Variants in MICU2 observed in about 807,000 individuals in gnomAD.
MICU2 encodes mitochondrial calcium uptake 2, also known as calcium uptake protein 2, mitochondrial.
In MICU2, 64 loss-of-function variants were observed where a neutral mutation model predicts 60.4. The observed-to-expected ratio is 1.06, with a 90% CI of 0.87 to 1.31. The LOEUF (loss-of-function observed/expected upper bound fraction) is 1.31, where lower values mean the gene tolerates loss of function less well. Among genes scored for constraint, MICU2 ranks in the 50% most tolerant of loss-of-function variants. The pLI is 0.00. For synonymous variants in MICU2, 201 were observed against 175.0 expected, an observed-to-expected ratio of 1.15 and a Z score of -1.17; for missense variants, 569 against 531.0, an observed-to-expected ratio of 1.07 and a Z score of -0.70.
chr13:21,602,352 C>T (rs1168450763), intron 1 of MICU2, among the ~76,000 whole-genome samples: 1 of 152,050 alleles, frequency 6.6e-6, no homozygotes, highest in African/African-American at 2.4e-5. Context: ...GAAACCCCGT[C>T]TCTACTAAAA....
chr13:21,588,550 T>C (rs1256928606), intron 1 of MICU2, among the ~76,000 whole-genome samples: 1 of 152,170 alleles, frequency 6.6e-6, no homozygotes. Flanking sequence ...GGGAGGAAAT[T>C]TAGCATTCCT....
At chr13:21,557,098 G>C (rs773040682) in intron 2 of MICU2, among the ~76,000 whole-genome samples, 5 of 152,180 alleles carry the variant, frequency 3.3e-5, no homozygotes, top group Non-Finnish European at 7.3e-5. Flanking sequence ...TGGGAATGAT[G>C]GGATAGTTGA....
At chr13:21,508,580 CTCTA>C (rs1886352002) in intron 8 of MICU2, among the ~76,000 whole-genome samples, 1 of 152,190 alleles carries the variant, frequency 6.6e-6, no homozygotes, top group African/African-American at 2.4e-5. Flanking sequence ...AACAAGCTAC[CTCTA>C]TCTTATGGTG....
chr13:21,538,674 T>C (rs1007591317), intron 4 of MICU2, among the ~76,000 whole-genome samples: 10 of 151,690 alleles, frequency 6.6e-5, no homozygotes, highest in African/African-American at 2.4e-4. Context: ...TTATAAGTAA[T>C]CTAGAGATGA....
intron 6 of MICU2, among the ~76,000 whole-genome samples, chr13:21,520,337 GAT>G (rs1453579748): frequency 1.3e-5 from 2 of 152,100 alleles, no homozygotes; most frequent in Admixed American, 6.5e-5. Context: ...ATATGCCAAG[GAT>G]ATATGTTACT....
chr13:21,543,909 C>T (rs1887344417), intron 2 of MICU2, among the ~76,000 whole-genome samples: 2 of 152,162 alleles, frequency 1.3e-5, no homozygotes, highest in Admixed American at 6.5e-5. Flanking sequence ...TACCACACTT[C>T]CAAATATACT....
intron 8 of MICU2, among the ~76,000 whole-genome samples, chr13:21,506,236 G>A (rs1272912428): frequency 6.6e-6 from 1 of 152,010 alleles, no homozygotes; most frequent in Admixed American, 6.6e-5. Flanking sequence ...GGCTGCTGTC[G>A]AAGTCCTGGA....
chr13:21,558,047 A>G (rs1167699558), intron 2 of MICU2, among the ~76,000 whole-genome samples: 1 of 152,200 alleles, frequency 6.6e-6, no homozygotes, highest in Non-Finnish European at 1.5e-5. Context: ...TTTTGTTATA[A>G]AAACTCACAT....
At chr13:21,514,742 G>A (rs942348053) in intron 6 of MICU2, among the ~76,000 whole-genome samples, 2 of 149,500 alleles carry the variant, frequency 1.3e-5, no homozygotes, top group African/African-American at 2.5e-5. Context: ...GGGTTTCACC[G>A]TGTTAGCCAG....
At chr13:21,539,230 A>T in intron 4 of MICU2, 72 bp downstream of exon 4, 5 of 1,321,818 alleles carry the variant, frequency 3.8e-6, no homozygotes, top group Non-Finnish European at 5.4e-6. Context: ...CAAATCTCAT[A>T]CCTTAATTCC....
chr13:21,505,048 C>A (rs1358196039), intron 8 of MICU2, among the ~76,000 whole-genome samples: 1 of 152,126 alleles, frequency 6.6e-6, no homozygotes, highest in Non-Finnish European at 1.5e-5. Flanking sequence ...GTATCAATAT[C>A]CTCCCCAATT....
At chr13:21,537,238 C>G (rs554797270) in intron 4 of MICU2, among the ~76,000 whole-genome samples, 2 of 152,150 alleles carry the variant, frequency 1.3e-5, no homozygotes, top group African/African-American at 4.8e-5. Context: ...CTCCCTAGGC[C>G]GTGACTTCCT....
chr13:21,568,019 T>C (rs1389179054), intron 1 of MICU2, among the ~76,000 whole-genome samples: 2 of 152,192 alleles, frequency 1.3e-5, no homozygotes, highest in African/African-American at 2.4e-5. Context: ...TGAAATCCAA[T>C]AGCAGGCTTT....
chr13:21,514,149 A>C (rs1413733415), intron 7 of MICU2, among the ~76,000 whole-genome samples: 42 of 152,180 alleles, frequency 2.8e-4, no homozygotes, highest in Non-Finnish European at 1.8e-4. Context: ...CCCACCACAC[A>C]CCTCTGCCAT....
chr13:21,494,448 T>C (rs529466132), intron 11 of MICU2, among the ~76,000 whole-genome samples: 12 of 152,280 alleles, frequency 7.9e-5, no homozygotes, highest in Admixed American at 4.6e-4. Flanking sequence ...ATATGTGACT[T>C]TGAGTGAATA....
chr13:21,517,792 C>T (rs1038347644), intron 6 of MICU2, among the ~76,000 whole-genome samples: 4 of 94,910 alleles, frequency 4.2e-5, no homozygotes, highest in Middle Eastern at 5.6e-3. Context: ...CACACACACA[C>T]ACACACACGC....
At chr13:21,524,841 C>T (rs1470180818) in intron 4 of MICU2, among the ~76,000 whole-genome samples, 1 of 152,202 alleles carries the variant, frequency 6.6e-6, no homozygotes, top group Non-Finnish European at 1.5e-5. Context: ...GTTGCCTATT[C>T]TATCTAGGTA....
At chr13:21,585,122 G>A (rs1195484702) in intron 1 of MICU2, among the ~76,000 whole-genome samples, 1 of 152,164 alleles carries the variant, frequency 6.6e-6, no homozygotes, top group Non-Finnish European at 1.5e-5. Flanking sequence ...ATTCATGCAG[G>A]ACAAACAGCT....
rs142714377 is a variant in MICU2 at position 21,540,113 on chromosome 13, C to A, written c.359-425G>T. ...CTTTTTTTGAACTCTGGAAAGTCCT[C>A]TTAGGCTTATAACTCTCCAGTCAAA... is the stretch of plus-strand genomic sequence containing the variant. On this transcript the variant is annotated intron_variant, in intron 2 of 11. Coordinates refer to ENST00000382374, the MANE Select transcript of MICU2 (RefSeq NM_152726.3). Among the ~76,000 whole-genome samples the A allele has an allele frequency of 7.0e-3, 1,061 of 152,278 alleles. 11 individuals carry two copies. Among genetic ancestry groups the A allele is most frequent in the Non-Finnish European group, 0.012 (816 of 68,002 alleles).
Sources: allele counts gnomAD v4.1 joint callset (sites outside exome capture counted in the v4.1 genomes callset), GRCh38; gene constraint gnomAD v4.1.1; transcripts MANE v1.5; gene names NCBI Gene and HGNC (gene_info 2026-07-23, HGNC 2026-07-21).